TPP2: variants seen among roughly 807,000 people sequenced by gnomAD.
TPP2 encodes tripeptidyl peptidase 2, also known as tripeptidyl-peptidase 2.
In TPP2, 34 loss-of-function variants were observed where a neutral mutation model predicts 155.9. The ratio of observed to expected loss-of-function variants is 0.22; its 90% CI spans 0.17 to 0.29. TPP2 has a LOEUF of 0.29. Among genes scored for constraint, TPP2 ranks in the 10% least tolerant of loss-of-function variants. The pLI is 1.00. For synonymous variants in TPP2, 510 were observed against 529.4 expected (o/e 0.96, Z 0.50); for missense variants, 1,028 against 1,522.3 (o/e 0.68, Z 5.40).
rs191195126 is a variant in TPP2 at position 102,661,512 on chromosome 13, G to A, written c.3144-2136G>A. On this transcript the variant is annotated intron_variant, in intron 25 of 29. Transcript: ENST00000376052. ...CCTGCTTCAGCTTCCCATAGTGTTG[G>A]GATTACAGGCATGAGCCACCTCCAC... is the stretch of plus-strand genomic sequence containing the variant. 2.8e-4 allele frequency among the ~76,000 whole-genome samples: 42 copies of A among 151,852 alleles called. No homozygotes were observed. The East Asian group carries it at 6.2e-3, about 22-fold the overall frequency.
At chr13:102,640,871 C>T (rs1437365508) in intron 16 of TPP2, among the ~76,000 whole-genome samples, 1 of 151,936 alleles carries the variant, frequency 6.6e-6, no homozygotes, top group Non-Finnish European at 1.5e-5. Flanking sequence ...AGGATGGTCT[C>T]GATCTCTTGA....
intron 27 of TPP2, among the ~76,000 whole-genome samples, chr13:102,673,660 T>C (rs1885123454): frequency 6.6e-6 from 1 of 152,228 alleles, no homozygotes; most frequent in Non-Finnish European, 1.5e-5. Flanking sequence ...ACTGCTAAGC[T>C]TAGAATCCTG....
chr13:102,649,125 C>G lies in TPP2; in HGVS notation c.2847C>G (p.Phe949Leu). ...LTLPPKYNQP[F>L]FVTSLPDDKI... is the part of the protein sequence containing the mutation. ...TACCACCCAAATATAACCAGCCATTCTTTGTTACTTCCTTACCTGATGATA... is the reference window on the plus strand; with the variant it reads ...TACCACCCAAATATAACCAGCCATTGTTTGTTACTTCCTTACCTGATGATA... Residue 949 changes from phenylalanine (F) to leucine (L), a missense_variant, in exon 22 of 30, where the codon TTC becomes TTG. Physicochemically the swap from Phe to Leu is conservative, Grantham distance 22 (BLOSUM62 0). Transcript: ENST00000376052. The G allele has an allele frequency of 6.2e-7, 1 of 1,610,832 alleles. No homozygotes were observed. Among genetic ancestry groups the G allele is most frequent in the Non-Finnish European group, 8.5e-7 (1 of 1,178,682 alleles).
chr13:102,676,271 A>G (rs1291080967), intron 28 of TPP2, 25 bp from the exon 29 acceptor site: 1 of 1,543,340 alleles, frequency 6.5e-7, no homozygotes, highest in Non-Finnish European at 8.8e-7. Flanking sequence ...TTTATAAACA[A>G]GCTTTATCAT....
intron 1 of TPP2, among the ~76,000 whole-genome samples, chr13:102,600,002 C>A (rs928435103): frequency 6.7e-6 from 1 of 150,142 alleles, no homozygotes; most frequent in Non-Finnish European, 1.5e-5. Flanking sequence ...AAAAAAAAAA[C>A]CTTGTATTAT....
At position 102,646,007 on chromosome 13, in the gene TPP2, T is replaced by G. The variant is rs182534547; in HGVS notation, c.2394-287T>G. ...TAGTTGTCACCCTAGTGTTAGGATT[T>G]GGTTGTATTGAGAGCTGTTTGTTCA... On this transcript the variant is annotated intron_variant, in intron 19 of 29. Coordinates refer to ENST00000376052, the MANE Select transcript of TPP2 (RefSeq NM_001330588.2). 4.8e-3 allele frequency among the ~76,000 whole-genome samples: 730 copies of G among 152,352 alleles called. 6 individuals are homozygous for G. Among genetic ancestry groups the G allele is most frequent in the Non-Finnish European group, 8.2e-3 (555 of 68,034 alleles).
chr13:102,602,089 G>A (rs1879473148), intron 1 of TPP2, among the ~76,000 whole-genome samples: 1 of 152,170 alleles, frequency 6.6e-6, no homozygotes, highest in African/African-American at 2.4e-5. Context: ...GCTTATTGAG[G>A]TGAAGATAGG....
At chr13:102,619,183 T>C (rs1030263146) in intron 5 of TPP2, among the ~76,000 whole-genome samples, 1 of 152,226 alleles carries the variant, frequency 6.6e-6, no homozygotes, top group Non-Finnish European at 1.5e-5. Flanking sequence ...TTAAATTTGA[T>C]GTTTCTAGAT....
intron 6 of TPP2, among the ~76,000 whole-genome samples, chr13:102,623,424 G>C (rs2148762): frequency 1.1e-4 from 17 of 152,040 alleles, no homozygotes; most frequent in African/African-American, 3.9e-4. Flanking sequence ...TTAGCTGTGC[G>C]TGGTGGCACA....
rs749569405 is a variant in TPP2 at position 102,616,452 on chromosome 13, C to T, written c.447C>T (p.Ala149=). The change falls in exon 4 of 30, where the codon GCC becomes GCT. Residue 149 remains alanine, a synonymous_variant. Coordinates refer to ENST00000376052, the MANE Select transcript of TPP2 (RefSeq NM_001330588.2). ...TTCACAGAGTGGCCCTTGCAGAAGC[C>T]TGTAGAAAACAGGAAGAATTTGATG... ...DPVHRVALAE[A]CRKQEEFDVA... is the part of the protein sequence containing the mutation. 3.1e-6 allele frequency: 5 copies of T among 1,612,572 alleles called. No individual in the cohort carries two copies. The highest frequency in any genetic ancestry group is 3.3e-5 in the Admixed American group (2 of 59,766).
chr13:102,659,952 CTG>C (rs557587447), intron 25 of TPP2, among the ~76,000 whole-genome samples: 127 of 150,592 alleles, frequency 8.4e-4, no homozygotes, highest in Middle Eastern at 6.8e-3. Context: ...AGGAGCAAAA[CTG>C]TATTGGGCTA....
chr13:102,636,335 G>T lies in TPP2; in HGVS notation c.1621G>T (p.Val541Leu). 6.2e-7 allele frequency: 1 copy of T among 1,613,748 alleles called. No homozygotes were observed. Among genetic ancestry groups the T allele is most frequent in the East Asian group, 2.2e-5 (1 of 44,868 alleles). ...CATCTACCTCCGAGATCCTGTTCAG[G>T]TGGCTGCACCTTCAGATCATGGCGT... ...RGIYLRDPVQ[V>L]AAPSDHGVGI... The change falls in exon 13 of 30, where the codon GTG becomes TTG. Residue 541 changes from valine (V) to leucine (L), a missense_variant. Physicochemically the swap from Val to Leu is conservative, Grantham distance 32. Around this residue, in one of 7 missense-constraint regions of TPP2, gnomAD observed 325 missense variants for 463.7 expected, o/e 0.70. Coordinates refer to ENST00000376052, the MANE Select transcript of TPP2 (RefSeq NM_001330588.2).
chr13:102,643,380 A>G lies in TPP2; in HGVS notation c.2175+4A>G. ...GACTGAAGCTTTTCCTGTCCTAGTA[A>G]GTTTAATTATAGTTTATAATCCTAA... On this transcript the variant is annotated splice_donor_region_variant and intron_variant, in intron 17 of 29. Transcript: ENST00000376052. 1 of 1,596,428 alleles carries G rather than the reference A, an allele frequency of 6.3e-7. No individual in the cohort carries two copies. Among genetic ancestry groups the G allele is most frequent in the Non-Finnish European group, 8.5e-7 (1 of 1,174,400 alleles).
At chr13:102,613,924 G>A (rs564663875) in intron 2 of TPP2, among the ~76,000 whole-genome samples, 177 bp from the exon 3 acceptor site, 36 of 152,142 alleles carry the variant, frequency 2.4e-4, no homozygotes, top group Non-Finnish European at 4.9e-4. Context: ...TGAGAAAAAA[G>A]AAGTGATAAA....
intron 1 of TPP2, among the ~76,000 whole-genome samples, chr13:102,604,085 A>T (rs4628813): frequency 0.5 from 75,631 of 151,926 alleles, 19,199 homozygotes; most frequent in African/African-American, 0.6. Context: ...GATTCCTGGG[A>T]TGGCAAAGCC....
At chr13:102,617,384 C>A (rs1880825527) in intron 4 of TPP2, among the ~76,000 whole-genome samples, 1 of 152,142 alleles carries the variant, frequency 6.6e-6, no homozygotes, top group South Asian at 2.1e-4. Context: ...AACTGATTAT[C>A]TCTAAGTCAC....
chr13:102,664,694 C>T (rs1884474561), intron 26 of TPP2, 101 bp from the exon 27 acceptor site: 1 of 1,196,566 alleles, frequency 8.4e-7, no homozygotes, highest in Non-Finnish European at 1.1e-6. Context: ...AGTTTACTCA[C>T]ACTGCAGTTG....
chr13:102,610,449 C>T (rs531386288), intron 2 of TPP2, among the ~76,000 whole-genome samples: 3 of 152,222 alleles, frequency 2.0e-5, no homozygotes, highest in South Asian at 2.1e-4. Flanking sequence ...AGGCAGGTCT[C>T]GAACTCCTGA....
At chr13:102,677,377 C>A (rs966895166) in intron 29 of TPP2, among the ~76,000 whole-genome samples, 6 of 152,162 alleles carry the variant, frequency 3.9e-5, no homozygotes, top group Non-Finnish European at 4.4e-5. Flanking sequence ...CTCTGCCCCC[C>A]CCGCTGCCTG....
Sources: allele counts gnomAD v4.1 joint callset (sites outside exome capture counted in the v4.1 genomes callset), GRCh38; gene constraint gnomAD v4.1.1; regional missense constraint gnomAD v4.1.1; transcripts MANE v1.5; gene names NCBI Gene and HGNC (gene_info 2026-07-23, HGNC 2026-07-21).